The following NOS2 variants were observed in gnomAD, a reference collection of about 807,000 sequenced individuals.
The protein encoded by NOS2 is nitric oxide synthase, inducible.
Under a neutral mutation model 136.0 loss-of-function variants are expected in NOS2, and 96 were observed. The ratio of observed to expected loss-of-function variants is 0.71; its 90% CI spans 0.60 to 0.84. The LOEUF is 0.84. Ranked by LOEUF, NOS2 falls within the 40% of genes least tolerant of loss-of-function variation. The probability of loss-of-function intolerance (pLI) is 0.00; values close to 1 mark genes in which losing one functional copy is unlikely to be tolerated. For missense variants in NOS2, 1,237 were observed against 1,496.9 expected (o/e 0.83, Z 2.87); for synonymous variants, 539 against 587.5 (o/e 0.92, Z 1.20).
At chr17:27,764,949 G>C (rs8065448) in intron 20 of NOS2, among the ~76,000 whole-genome samples, 1 of 152,090 alleles carries the variant, frequency 6.6e-6, no homozygotes, top group African/African-American at 2.4e-5. Flanking sequence ...TGGACAGTGG[G>C]GGTCACTGCC....
chr17:27,784,482 A>G (rs552775435), intron 5 of NOS2, among the ~76,000 whole-genome samples: 5 of 152,220 alleles, frequency 3.3e-5, no homozygotes, highest in Non-Finnish European at 7.3e-5. Flanking sequence ...CCCCCTCTGC[A>G]CCTGAGCATG....
chr17:27,798,594 C>T, intron 2 of NOS2, 106 bp downstream of exon 2: 1 of 737,360 alleles, frequency 1.4e-6, no homozygotes, highest in Non-Finnish European at 2.5e-6. Context: ...GAGATCAGAC[C>T]TCAGGTGAGA....
Position 27,773,179 on chromosome 17 carries a change from G to T in NOS2, c.1541C>A (p.Pro514Gln). Residue 514 changes from proline to glutamine, a missense_variant, in exon 13 of 27, where the codon CCA becomes CAA. Around this residue, in one of 3 missense-constraint regions of NOS2, gnomAD observed 782 missense variants for 909.9 expected, o/e 0.86. Coordinates refer to ENST00000313735, the MANE Select transcript of NOS2 (RefSeq NM_000625.4). ...EKRRPKRREIPLKVLVKAVLF... is the reference protein window; with the variant it reads ...EKRRPKRREIQLKVLVKAVLF... ...CACTCACTTGACCAAGACTTTCAATGGAATCTCTCTTCTCTTGGGTCTCCG... is the reference window on the plus strand; with the variant it reads ...CACTCACTTGACCAAGACTTTCAATTGAATCTCTCTTCTCTTGGGTCTCCG... 1 of 1,613,942 alleles carries T rather than the reference G, an allele frequency of 6.2e-7. No individual in the cohort carries two copies. The highest frequency in any genetic ancestry group is 1.1e-5 in the South Asian group (1 of 91,062).
intron 14 of NOS2, among the ~76,000 whole-genome samples, chr17:27,771,520 G>A (rs924147900): frequency 1.3e-5 from 2 of 152,342 alleles, no homozygotes; most frequent in Non-Finnish European, 2.9e-5. Flanking sequence ...TTGGACCCAA[G>A]AGGTGTTTTC....
chr17:27,781,733 C>A (rs1456023176), intron 7 of NOS2, among the ~76,000 whole-genome samples: 1 of 152,156 alleles, frequency 6.6e-6, no homozygotes, highest in Non-Finnish European at 1.5e-5. Flanking sequence ...GAGCCCCAAC[C>A]CTGAATAGTG....
chr17:27,781,178 C>A lies in NOS2; in HGVS notation c.723-1G>T. ...CTGGGGGAACACGGTGATGGCCGAC[C>A]TTCCCAGGACAGGAACAGTACTGTT... is the stretch of plus-strand genomic sequence containing the variant. On this transcript the variant is annotated splice_acceptor_variant, in intron 7 of 26. Transcript: ENST00000313735. LOFTEE classifies it high-confidence loss of function. 6.2e-7 allele frequency: 1 copy of A among 1,604,708 alleles called. No individual in the cohort carries two copies.
At position 27,764,016 on chromosome 17, in the gene NOS2, C is replaced by T. The variant is rs2314808; in HGVS notation, c.2557G>A (p.Glu853Lys). The T allele has an allele frequency of 9.9e-6, 16 of 1,613,566 alleles. No homozygotes were observed. The highest frequency in any genetic ancestry group is 2.7e-5 in the African/African-American group (2 of 74,906). Residue 853 changes from glutamate (E) to lysine (K), a missense_variant, in exon 21 of 27, where the codon GAG becomes AAG. Physicochemically the swap from Glu to Lys is moderately conservative, Grantham distance 56. Coordinates refer to ENST00000313735, the MANE Select transcript of NOS2 (RefSeq NM_000625.4). ...LQKLAQVATE[E>K]PERQRLEALC... ...GCCTCCAGCCTCTGTCTCTCAGGCT[C>T]TTCTGTGGCCACCTGGGCCAGCTTT...
At chr17:27,767,527 G>A (rs1908343985) in intron 18 of NOS2, among the ~76,000 whole-genome samples, 178 bp downstream of exon 18, 1 of 152,204 alleles carries the variant, frequency 6.6e-6, no homozygotes, top group Admixed American at 6.5e-5. Flanking sequence ...GCTCCCTCCT[G>A]AAACAGCCTC....
chr17:27,769,054 G>A lies in NOS2; in HGVS notation c.1957C>T (p.Leu653Phe). The change falls in exon 17 of 27, where the codon CTC becomes TTC. Residue 653 changes from leucine (L) to phenylalanine (F), a missense_variant. This residue lies in a region of NOS2 where 782 missense variants were observed against 909.9 expected (regional missense o/e 0.86). Transcript: ENST00000313735. ...QKLSHLGASQLTPMGEGDELS... is the reference protein window; with the variant it reads ...QKLSHLGASQFTPMGEGDELS... ...TCATCCCCTTCTCCCATCGGGGTGA[G>A]CTGAGAGGCCCCCAGGTGGGACAGC... is the stretch of plus-strand genomic sequence containing the variant. 1.2e-6 allele frequency: 2 copies of A among 1,612,730 alleles called. No individual in the cohort carries two copies. Among genetic ancestry groups the A allele is most frequent in the Non-Finnish European group, 1.7e-6 (2 of 1,179,570 alleles).
At chr17:27,783,127 A>T (rs1338121164) in intron 5 of NOS2, 21 bp from the exon 6 acceptor site, 3 of 1,613,482 alleles carry the variant, frequency 1.9e-6, no homozygotes, top group Non-Finnish European at 2.5e-6. Context: ...GGAAGACAGC[A>T]GGAAGATCAA....
rs771571498 is a variant in NOS2, at chr17:27,758,862, C to T, written c.3354+19G>A. 2 of 1,463,756 alleles carry T rather than the reference C, an allele frequency of 1.4e-6. No homozygotes were observed. Among genetic ancestry groups the T allele is most frequent in the Non-Finnish European group, 9.1e-7 (1 of 1,099,878 alleles). 90.7% of individuals were successfully genotyped at this position (1,463,756 alleles called of 1,614,324 possible). A position where few individuals can be genotyped will look rare whatever the true frequency, so the allele number is the denominator to read the frequency against. On this transcript the variant is annotated intron_variant, in intron 26 of 26. Coordinates refer to ENST00000313735, the MANE Select transcript of NOS2 (RefSeq NM_000625.4). ...GTGCCCTTGGCCGGCACCTTCAGCC[C>T]ACACACCCACTACTATACCTTGAGC... is the stretch of plus-strand genomic sequence containing the variant.
chr17:27,782,300 T>C (rs1908875573), intron 6 of NOS2, among the ~76,000 whole-genome samples, 194 bp from the exon 7 acceptor site: 1 of 152,172 alleles, frequency 6.6e-6, no homozygotes. Context: ...GCCTCCCATC[T>C]GCACCACCGC....
intron 11 of NOS2, among the ~76,000 whole-genome samples, chr17:27,777,124 C>T (rs577110675): frequency 6.6e-5 from 10 of 152,344 alleles, no homozygotes; most frequent in African/African-American, 1.9e-4. Flanking sequence ...TTCCCCTCCC[C>T]CGTCAAGCAC....
chr17:27,779,285 T>C (rs537501373), intron 9 of NOS2, among the ~76,000 whole-genome samples: 2 of 90,212 alleles, frequency 2.2e-5, no homozygotes, highest in Non-Finnish European at 4.3e-5. Flanking sequence ...GCTAATTTTT[T>C]TCCTTATTAT....
Position 27,796,282 on chromosome 17 carries a change from T to C in NOS2, c.110+2418A>G, listed in dbSNP as rs991067511. Among the ~76,000 whole-genome samples, 6 of 152,062 alleles carry C rather than the reference T, an allele frequency of 3.9e-5. No homozygotes were observed. The South Asian group carries it at 6.2e-4, about 16-fold the overall frequency. On this transcript the variant is annotated intron_variant, in intron 2 of 26. Transcript: ENST00000313735. ...CTGGCCAATATGGTGAAACACCGTC[T>C]CTACTAAAAATACAAAAATTAACCA...
intron 4 of NOS2, 35 bp downstream of exon 4, chr17:27,788,774 G>A (rs200199522): frequency 5.3e-5 from 85 of 1,596,296 alleles, no homozygotes; most frequent in Non-Finnish European, 6.9e-5. Context: ...ACCAGCTTGG[G>A]ACAAAGGTGG....
chr17:27,783,800 A>T (rs1475035441), intron 5 of NOS2, among the ~76,000 whole-genome samples: 1 of 152,240 alleles, frequency 6.6e-6, no homozygotes, highest in Non-Finnish European at 1.5e-5. Flanking sequence ...CCCTGATGCC[A>T]AGCCCAGGTT....
chr17:27,762,449 C>T (rs2151325239), intron 22 of NOS2, among the ~76,000 whole-genome samples: 1 of 152,330 alleles, frequency 6.6e-6, no homozygotes, highest in African/African-American at 2.4e-5. Context: ...ATTAAATTGT[C>T]CCAAGAGTAG....
intron 4 of NOS2, among the ~76,000 whole-genome samples, chr17:27,788,414 C>T (rs967677121): frequency 1.3e-5 from 2 of 152,190 alleles, no homozygotes; most frequent in African/African-American, 4.8e-5. Flanking sequence ...TCACAGGATA[C>T]TTGAACCCCT....
Sources: allele counts gnomAD v4.1 joint callset (sites outside exome capture counted in the v4.1 genomes callset), GRCh38; gene constraint gnomAD v4.1.1; regional missense constraint gnomAD v4.1.1; transcripts MANE v1.5; gene names NCBI Gene and HGNC (gene_info 2026-07-23, HGNC 2026-07-21).